Variants in ADAM12 observed in about 807,000 individuals in gnomAD.
ADAM12 encodes the protein ADAM metallopeptidase domain 12, also known as disintegrin and metalloproteinase domain-containing protein 12.
In ADAM12, 70 loss-of-function variants were observed where a neutral mutation model predicts 106.4. That is an observed-to-expected ratio of 0.66 (90% CI 0.54 to 0.80). The LOEUF (loss-of-function observed/expected upper bound fraction) is 0.80, where lower values mean the gene tolerates loss of function less well. Among genes scored for constraint, ADAM12 ranks in the 30% least tolerant of loss-of-function variants. The pLI is 0.00. For synonymous variants in ADAM12, 420 were observed against 433.5 expected, an observed-to-expected ratio of 0.97 and a Z score of 0.39; for missense variants, 1,010 against 1,171.9, an observed-to-expected ratio of 0.86 and a Z score of 2.02.
In ADAM12 at chr10:126,029,310, T is replaced by C. The variant is rs146450086; in HGVS notation, c.2529+6836A>G. Among the ~76,000 whole-genome samples the C allele has an allele frequency of 5.5e-4, 83 of 152,282 alleles. No homozygotes were observed. In the South Asian group the frequency reaches 8.5e-3, roughly 16 times the overall value. On this transcript the variant is annotated intron_variant, in intron 21 of 22. Coordinates refer to ENST00000448723, the MANE Select transcript of ADAM12 (RefSeq NM_001288973.2). Reference sequence around the variant, plus strand: ...CATGCATATGTTCACTGCAGCACTATTCACAATAGCAAAGACATGGAATCA... The same window carrying C: ...CATGCATATGTTCACTGCAGCACTACTCACAATAGCAAAGACATGGAATCA...
intron 2 of ADAM12, among the ~76,000 whole-genome samples, chr10:126,294,297 C>A (rs1590744109): frequency 6.6e-6 from 1 of 152,188 alleles, no homozygotes; most frequent in Admixed American, 6.5e-5. Context: ...TCACCCTTAA[C>A]ACAGATGAAT....
intron 20 of ADAM12, among the ~76,000 whole-genome samples, chr10:126,036,637 C>T (rs1028832003): frequency 6.6e-6 from 1 of 152,076 alleles, no homozygotes; most frequent in African/African-American, 2.4e-5. Flanking sequence ...AAGAAAGACA[C>T]GGACCGAGAT....
At chr10:126,095,009 TG>T (rs1565052080) in intron 10 of ADAM12, among the ~76,000 whole-genome samples, 5 of 152,212 alleles carry the variant, frequency 3.3e-5, no homozygotes, top group Admixed American at 6.5e-5. Context: ...TTAGCATATA[TG>T]ATCTACAGAA....
intron 1 of ADAM12, among the ~76,000 whole-genome samples, chr10:126,359,270 C>T (rs992955625): frequency 4.6e-5 from 7 of 152,176 alleles, no homozygotes; most frequent in Non-Finnish European, 8.8e-5. Flanking sequence ...AATCGCATGT[C>T]CTCACATTTC....
At chr10:126,097,113 A>T (rs147753479) in intron 10 of ADAM12, among the ~76,000 whole-genome samples, 55 of 152,360 alleles carry the variant, frequency 3.6e-4, no homozygotes, top group African/African-American at 1.3e-3. Context: ...CTCTAAAAAA[A>T]ATATGATGCC....
chr10:126,190,989 C>CTTTTTTTTTT lies in ADAM12; in HGVS notation c.261-35685_261-35684insAAAAAAAAAA, dbSNP rs1957488604. ...TTTGAGTTGCCATGAGGAGTTTTGT[C>CTTTTTTTTTT]CTTTTTTTTTTTTTTTTTTTTTTTT... On this transcript the variant is annotated intron_variant, in intron 3 of 22. Transcript: ENST00000448723. Among the ~76,000 whole-genome samples the CTTTTTTTTTT allele has an allele frequency of 3.1e-4, 21 of 68,730 alleles. 9 individuals carry two copies. The South Asian group carries it at 3.3e-3, about 11-fold the overall frequency. The allele number at this position is 68,730 out of a possible 152,430, so 45.1% of individuals were successfully genotyped here.
intron 1 of ADAM12, among the ~76,000 whole-genome samples, chr10:126,341,348 G>T (rs576880946): frequency 9.2e-5 from 14 of 152,262 alleles, no homozygotes; most frequent in African/African-American, 3.4e-4. Flanking sequence ...TTTGTGCAAT[G>T]AATTATTATC....
intron 3 of ADAM12, among the ~76,000 whole-genome samples, chr10:126,191,065 A>G (rs1349235544): frequency 7.0e-6 from 1 of 142,240 alleles, no homozygotes; most frequent in African/African-American, 2.6e-5. Context: ...GCAGTAGCAC[A>G]ATCTCTGCTC....
At chr10:126,318,039 C>T (rs2033366975) in intron 2 of ADAM12, among the ~76,000 whole-genome samples, 2 of 152,196 alleles carry the variant, frequency 1.3e-5, no homozygotes, top group Admixed American at 1.3e-4. Flanking sequence ...GAAGCAATGA[C>T]TGCCCAGTAG....
In ADAM12 at chr10:126,388,279, C is replaced by G; in HGVS notation, c.-134G>C. ...CTCGGCGAGTCAGCTCCGGAGCCCT[C>G]GCGCAGCGCCCGCGCCGCCGCTGAG... On this transcript the variant is annotated 5_prime_UTR_variant, in exon 1 of 23. Transcript: ENST00000448723. The surrounding 1 kb of genome is among the most constrained non-coding windows in gnomAD (Gnocchi z 4.4). 1 of 1,151,070 alleles carries G rather than the reference C, an allele frequency of 8.7e-7. No homozygotes were observed. The highest frequency in any genetic ancestry group is 1.1e-6 in the Non-Finnish European group (1 of 928,560). 71.3% of individuals were successfully genotyped at this position (1,151,070 alleles called of 1,614,324 possible).
At chr10:126,214,553 C>A (rs1292074592) in intron 3 of ADAM12, among the ~76,000 whole-genome samples, 2 of 152,172 alleles carry the variant, frequency 1.3e-5, no homozygotes, top group African/African-American at 2.4e-5. Flanking sequence ...GCAGTGGCTG[C>A]CTCTAAAAGA....
chr10:126,145,248 C>A (rs1431172589), intron 4 of ADAM12, among the ~76,000 whole-genome samples: 1 of 152,196 alleles, frequency 6.6e-6, no homozygotes, highest in Non-Finnish European at 1.5e-5. Context: ...CTTAGTGAAT[C>A]CCCAGAGGCC....
In ADAM12 at chr10:126,107,839, A is replaced by G. The variant is rs181359625; in HGVS notation, c.741+754T>C. Among the ~76,000 whole-genome samples, 565 of 152,292 alleles carry G rather than the reference A, an allele frequency of 3.7e-3. 5 individuals are homozygous for G. The highest frequency in any genetic ancestry group is 0.013 in the African/African-American group (545 of 41,546). On this transcript the variant is annotated intron_variant, in intron 8 of 22. Coordinates refer to ENST00000448723, the MANE Select transcript of ADAM12 (RefSeq NM_001288973.2). ...AACTCCAATATGCGGGGCTTGTGAGAAGCCTATTTTAGGCTAAGGGTCGTC... is the reference window on the plus strand; with the variant it reads ...AACTCCAATATGCGGGGCTTGTGAGGAGCCTATTTTAGGCTAAGGGTCGTC...
At chr10:126,201,092 A>G (rs1202778783) in intron 3 of ADAM12, among the ~76,000 whole-genome samples, 3 of 152,206 alleles carry the variant, frequency 2.0e-5, no homozygotes, top group East Asian at 3.9e-4. Context: ...CCACAGGCCA[A>G]ATGGTTATTG....
intron 3 of ADAM12, among the ~76,000 whole-genome samples, chr10:126,264,676 G>C (rs1464632484): frequency 1.3e-5 from 2 of 152,142 alleles, no homozygotes; most frequent in Non-Finnish European, 2.9e-5. Flanking sequence ...CAATTACGGC[G>C]ATTTTCCTTC....
chr10:126,277,381 C>G (rs1959314150), intron 3 of ADAM12, among the ~76,000 whole-genome samples: 1 of 152,118 alleles, frequency 6.6e-6, no homozygotes, highest in South Asian at 2.1e-4. Context: ...TTTCTTCCAA[C>G]AGCCTAACAA....
intron 2 of ADAM12, among the ~76,000 whole-genome samples, chr10:126,302,051 T>C (rs943941582): frequency 2.0e-5 from 3 of 152,182 alleles, no homozygotes; most frequent in African/African-American, 7.2e-5. Flanking sequence ...AATTTCGACA[T>C]TCTCTGGAGA....
intron 14 of ADAM12, among the ~76,000 whole-genome samples, chr10:126,052,979 G>A (rs1212654454): frequency 6.6e-6 from 1 of 152,158 alleles, no homozygotes; most frequent in Non-Finnish European, 1.5e-5. Context: ...AATGTTGGAG[G>A]TAGGACCTGG....
At chr10:126,379,156 A>T (rs573952252) in intron 1 of ADAM12, among the ~76,000 whole-genome samples, 1 of 152,356 alleles carries the variant, frequency 6.6e-6, no homozygotes, top group Admixed American at 6.5e-5. Context: ...ATCTAGAACT[A>T]GAAATACCAT....
Sources: allele counts gnomAD v4.1 joint callset (sites outside exome capture counted in the v4.1 genomes callset), GRCh38; gene constraint gnomAD v4.1.1; non-coding constraint Gnocchi (gnomAD v3.1); transcripts MANE v1.5; gene names NCBI Gene and HGNC (gene_info 2026-07-23, HGNC 2026-07-21).